The following LEF1 variants were observed in gnomAD, a reference collection of about 807,000 sequenced individuals.
The protein encoded by LEF1 is lymphoid enhancer-binding factor 1.
A neutral mutation model predicts 51.2 loss-of-function variants in LEF1; 14 were observed. The ratio of observed to expected loss-of-function variants is 0.27; its 90% confidence interval spans 0.18 to 0.43. The LOEUF (loss-of-function observed/expected upper bound fraction) is 0.43. Ranked by LOEUF, LEF1 falls within the 20% of genes least tolerant of loss-of-function variation. The pLI is 1.00. For synonymous variants in LEF1, 185 were observed against 183.2 expected, an observed-to-expected ratio of 1.01 and a Z score of -0.08; for missense variants, 386 against 512.0, an observed-to-expected ratio of 0.75 and a Z score of 2.37.
chr4:108,148,432 A>C (rs1157873788), intron 3 of LEF1, among the ~76,000 whole-genome samples: 1 of 152,198 alleles, frequency 6.6e-6, no homozygotes, highest in Non-Finnish European at 1.5e-5. Flanking sequence ...ATATAAAGAC[A>C]GTCCTCTGGA....
At chr4:108,132,380 C>G (rs1376708448) in intron 3 of LEF1, among the ~76,000 whole-genome samples, 1 of 152,038 alleles carries the variant, frequency 6.6e-6, no homozygotes, top group Non-Finnish European at 1.5e-5. Flanking sequence ...AATTAGAATC[C>G]CTTTTTCCTC....
intron 3 of LEF1, among the ~76,000 whole-genome samples, chr4:108,130,522 C>G (rs187125684): frequency 6.6e-6 from 1 of 150,914 alleles, no homozygotes; most frequent in Admixed American, 6.6e-5. Flanking sequence ...GAGTTCAAGA[C>G]CAGCCTAGTC....
chr4:108,082,924 CT>C, intron 5 of LEF1, among the ~76,000 whole-genome samples: 1 of 152,184 alleles, frequency 6.6e-6, no homozygotes, highest in Non-Finnish European at 1.5e-5. Context: ...TTGAATTTCT[CT>C]CTAGTTATTT....
rs1428072231 is a variant in LEF1, at chr4:108,079,543, G to A, written c.794C>T (p.Thr265Ile). ...GGGATGTTCCTGTTTGACCTGAGGTGTTACAATAGCTGGATGAGGGATGCC... is the reference window on the plus strand; with the variant it reads ...GGGATGTTCCTGTTTGACCTGAGGTATTACAATAGCTGGATGAGGGATGCC... ...TTGIPHPAIV[T>I]PQVKQEHPHT... Residue 265 changes from threonine (T) to isoleucine (I), a missense_variant, in exon 7 of 12, where the codon ACA becomes ATA. Thr to Ile is a moderately conservative substitution (Grantham distance 89, BLOSUM62 -1). This residue lies in a region of LEF1 where 335 missense variants were observed against 390.7 expected (regional missense o/e 0.86). Coordinates refer to ENST00000265165, the MANE Select transcript of LEF1 (RefSeq NM_016269.5). The A allele has an allele frequency of 1.2e-6, 2 of 1,613,954 alleles. No homozygotes were observed. The highest frequency in any genetic ancestry group is 1.7e-5 in the Admixed American group (1 of 60,002).
chr4:108,115,831 C>T (rs1462677334), intron 3 of LEF1, among the ~76,000 whole-genome samples: 1 of 136,212 alleles, frequency 7.3e-6, no homozygotes, highest in Non-Finnish European at 1.5e-5. Context: ...AAAGGTCTGC[C>T]TATAATGTAA....
intron 3 of LEF1, among the ~76,000 whole-genome samples, chr4:108,149,303 CA>C: frequency 6.7e-6 from 1 of 149,458 alleles, no homozygotes; most frequent in South Asian, 2.1e-4. Flanking sequence ...ACTAAAAATA[CA>C]AAAAATTAGC....
At chr4:108,082,267 G>A (rs943583762) in intron 5 of LEF1, among the ~76,000 whole-genome samples, 1 of 152,028 alleles carries the variant, frequency 6.6e-6, no homozygotes, top group Non-Finnish European at 1.5e-5. Flanking sequence ...CATTTACACA[G>A]ACTTTATTTC....
At chr4:108,152,093 A>G (rs56090219) in intron 3 of LEF1, among the ~76,000 whole-genome samples, 5,160 of 152,292 alleles carry the variant, frequency 0.034, 279 homozygotes, top group African/African-American at 0.12. Context: ...GCTCTGAGGG[A>G]GGACTTATGA....
At chr4:108,119,129 A>T (rs1742014497) in intron 3 of LEF1, among the ~76,000 whole-genome samples, 1 of 148,444 alleles carries the variant, frequency 6.7e-6, no homozygotes, top group African/African-American at 2.5e-5. Context: ...TCAGCTATAC[A>T]GATTATAAGT....
chr4:108,161,921 C>T (rs1423783304), intron 3 of LEF1, among the ~76,000 whole-genome samples: 2 of 152,048 alleles, frequency 1.3e-5, no homozygotes, highest in Non-Finnish European at 2.9e-5. Flanking sequence ...TTATCTAAAA[C>T]ATATTCTCCT....
intron 3 of LEF1, among the ~76,000 whole-genome samples, chr4:108,098,540 T>C (rs766773902): frequency 2.0e-4 from 30 of 152,318 alleles, no homozygotes; most frequent in Admixed American, 6.5e-5. Flanking sequence ...AGGAAAAGCA[T>C]TTGCCTTATT....
intron 4 of LEF1, among the ~76,000 whole-genome samples, chr4:108,085,202 C>G (rs1224451901): frequency 6.6e-6 from 1 of 152,208 alleles, no homozygotes; most frequent in Non-Finnish European, 1.5e-5. Flanking sequence ...GATTCTCCAG[C>G]CTCAGCCTCC....
intron 3 of LEF1, among the ~76,000 whole-genome samples, 181 bp downstream of exon 3, chr4:108,163,387 G>A (rs1298246556): frequency 2.0e-5 from 3 of 152,120 alleles, no homozygotes; most frequent in Non-Finnish European, 4.4e-5. Flanking sequence ...AATTTCAAAG[G>A]CAAGACATCA....
At chr4:108,076,850 GT>G (rs1172938885) in intron 8 of LEF1, among the ~76,000 whole-genome samples, 1 of 151,468 alleles carries the variant, frequency 6.6e-6, no homozygotes, top group Non-Finnish European at 1.5e-5. Flanking sequence ...GTGAAACCCT[GT>G]CTCTACTGAA....
At chr4:108,055,235 T>C (rs1343440064) in intron 11 of LEF1, among the ~76,000 whole-genome samples, 1 of 152,172 alleles carries the variant, frequency 6.6e-6, no homozygotes, top group Non-Finnish European at 1.5e-5. Context: ...GGGTACAGGG[T>C]ATAGTCCCAA....
chr4:108,167,747 T>A lies in LEF1; in HGVS notation c.21A>T (p.Gly7=). 6.2e-7 allele frequency: 1 copy of A among 1,612,972 alleles called. No homozygotes were observed. Among genetic ancestry groups the A allele is most frequent in the Non-Finnish European group, 8.5e-7 (1 of 1,179,970 alleles). Residue 7 remains glycine (G), a synonymous_variant, in exon 1 of 12, where the codon GGA becomes GGT. Transcript: ENST00000265165. This position sits in a 1 kb window ranked among gnomAD's most constrained non-coding sequence, Gnocchi z 5.7. ...CCGGGTCCCCCCCGCCGCCGCCACC[T>A]CCTCCGGAGAGTTGGGGCATCCCGG... is the stretch of plus-strand genomic sequence containing the variant. The part of the protein sequence containing the change: MPQLSG[G]GGGGGGDPEL...
At chr4:108,111,650 G>A (rs981306977) in intron 3 of LEF1, among the ~76,000 whole-genome samples, 14 of 152,250 alleles carry the variant, frequency 9.2e-5, no homozygotes, top group Non-Finnish European at 1.6e-4. Context: ...GGTGGCTCAC[G>A]CCTGTAATCC....
At chr4:108,059,504 G>A (rs886415022) in intron 11 of LEF1, among the ~76,000 whole-genome samples, 6 of 151,988 alleles carry the variant, frequency 3.9e-5, no homozygotes, top group African/African-American at 1.2e-4. Flanking sequence ...TTTTTATACA[G>A]ACATAGTTTT....
intron 3 of LEF1, among the ~76,000 whole-genome samples, chr4:108,089,918 T>C (rs915589540): frequency 1.3e-5 from 2 of 152,190 alleles, no homozygotes; most frequent in African/African-American, 2.4e-5. Flanking sequence ...GCTTCTCTAG[T>C]TTCCATAAAC....
Sources: allele counts gnomAD v4.1 joint callset (sites outside exome capture counted in the v4.1 genomes callset), GRCh38; gene constraint gnomAD v4.1.1; regional missense constraint gnomAD v4.1.1; non-coding constraint Gnocchi (gnomAD v3.1); transcripts MANE v1.5; gene names NCBI Gene and HGNC (gene_info 2026-07-23, HGNC 2026-07-21).